TTC7B: variants seen among roughly 807,000 people sequenced by gnomAD.
TTC7B encodes tetratricopeptide repeat domain 7B, also known as tetratricopeptide repeat protein 7B.
A neutral mutation model predicts 106.8 loss-of-function variants in TTC7B; 28 were observed. The ratio of observed to expected loss-of-function variants is 0.26; its 90% CI spans 0.19 to 0.36. TTC7B has a LOEUF of 0.36. Among genes scored for constraint, TTC7B ranks in the 10% least tolerant of loss-of-function variants. The pLI is 1.00. For missense variants in TTC7B, 862 were observed against 1,076.4 expected, an observed-to-expected ratio of 0.80 and a Z score of 2.79; for synonymous variants, 405 against 430.6, an observed-to-expected ratio of 0.94 and a Z score of 0.74.
intron 3 of TTC7B, among the ~76,000 whole-genome samples, chr14:90,747,025 T>C (rs1889987756): frequency 6.6e-6 from 1 of 152,168 alleles, no homozygotes; most frequent in Non-Finnish European, 1.5e-5. Context: ...CAAGTGTCTT[T>C]GTTTATTTGG....
At chr14:90,715,614 C>T (rs1416608669) in intron 5 of TTC7B, among the ~76,000 whole-genome samples, 2 of 152,072 alleles carry the variant, frequency 1.3e-5, no homozygotes, top group Admixed American at 6.5e-5. Flanking sequence ...GAAACTGAAA[C>T]AGAGAGAAAG....
chr14:90,729,564 C>T (rs897508144), intron 5 of TTC7B, among the ~76,000 whole-genome samples: 61 of 152,222 alleles, frequency 4.0e-4, no homozygotes, highest in African/African-American at 1.4e-3. Flanking sequence ...CAAATGCACT[C>T]GAGAGCTGTC....
rs192439998 is a variant in TTC7B, at chr14:90,590,171, C to A, written c.2107+3315G>T. ...GCCATGGACCTATGGAAGGGAGCACCTATCATACAGAAAGTGGGGACCTGC... is the reference window on the plus strand; with the variant it reads ...GCCATGGACCTATGGAAGGGAGCACATATCATACAGAAAGTGGGGACCTGC... On this transcript the variant is annotated intron_variant, in intron 18 of 19. Coordinates refer to ENST00000328459, the MANE Select transcript of TTC7B (RefSeq NM_001010854.2). Among the ~76,000 whole-genome samples, 7 of 152,266 alleles carry A rather than the reference C, an allele frequency of 4.6e-5. No homozygotes were observed. In the East Asian group the frequency reaches 1.3e-3, roughly 29 times the overall value.
intron 3 of TTC7B, among the ~76,000 whole-genome samples, chr14:90,777,171 C>T (rs1288936885): frequency 3.3e-5 from 5 of 152,122 alleles, no homozygotes; most frequent in Admixed American, 1.3e-4. Context: ...ACCTGGGAAG[C>T]GGAGGTTGCA....
rs543187874 is a variant in TTC7B at position 90,759,142 on chromosome 14, C to G, written c.446-14220G>C. Among the ~76,000 whole-genome samples the G allele has an allele frequency of 6.6e-6, 1 of 152,230 alleles. No homozygotes were observed. Among genetic ancestry groups the G allele is most frequent in the African/African-American group, 2.4e-5 (1 of 41,536 alleles). On this transcript the variant is annotated intron_variant, in intron 3 of 19. Transcript: ENST00000328459. This position sits in a 1 kb window ranked among gnomAD's most constrained non-coding sequence, Gnocchi z 4.1. ...GCTTCCTTCCTGCTCTTCTGTCCCACTCCGACCCACTCCGGAGAGCCACGC... is the reference window on the plus strand; with the variant it reads ...GCTTCCTTCCTGCTCTTCTGTCCCAGTCCGACCCACTCCGGAGAGCCACGC...
intron 19 of TTC7B, among the ~76,000 whole-genome samples, chr14:90,546,639 C>T (rs568861264): frequency 6.6e-6 from 1 of 152,358 alleles, no homozygotes; most frequent in East Asian, 1.9e-4. Context: ...CGCTGCCCAG[C>T]AGCACGCAGC....
At position 90,663,682 on chromosome 14, in the gene TTC7B, C is replaced by T. The variant is rs1393149435; in HGVS notation, c.1153-5295G>A. Among the ~76,000 whole-genome samples, 1 of 152,166 alleles carries T rather than the reference C, an allele frequency of 6.6e-6. No individual in the cohort carries two copies. Among genetic ancestry groups the T allele is most frequent in the East Asian group, 1.9e-4 (1 of 5,192 alleles). On this transcript the variant is annotated intron_variant, in intron 9 of 19. Coordinates refer to ENST00000328459, the MANE Select transcript of TTC7B (RefSeq NM_001010854.2). The surrounding 1 kb of genome is among the most constrained non-coding windows in gnomAD (Gnocchi z 4.5). ...TCTCCCAGTTCCCTCCTAGTTTGGA[C>T]CTCTTTCTCATAATGATAACAACCC... is the stretch of plus-strand genomic sequence containing the variant.
chr14:90,786,479 T>A, intron 1 of TTC7B, 151 bp from the exon 2 acceptor site: 1 of 768,380 alleles, frequency 1.3e-6, no homozygotes, highest in South Asian at 1.8e-5. Context: ...AGGGTCTAAG[T>A]GGGCACCACC....
intron 9 of TTC7B, among the ~76,000 whole-genome samples, chr14:90,661,263 G>A (rs1000840989): frequency 2.6e-5 from 4 of 152,180 alleles, no homozygotes; most frequent in Admixed American, 2.0e-4. Context: ...TCACTAGTGC[G>A]GACACCAAGC....
chr14:90,797,662 A>G (rs1184408650), intron 1 of TTC7B, among the ~76,000 whole-genome samples: 3 of 152,108 alleles, frequency 2.0e-5, no homozygotes, highest in South Asian at 4.2e-4. Flanking sequence ...AGCAATTTCT[A>G]CAAAGCAACT....
chr14:90,657,719 G>A lies in TTC7B; in HGVS notation c.1237-441C>T, dbSNP rs1415089881. On this transcript the variant is annotated intron_variant, in intron 10 of 19. Coordinates refer to ENST00000328459, the MANE Select transcript of TTC7B (RefSeq NM_001010854.2). The surrounding 1 kb of genome is among the most constrained non-coding windows in gnomAD (Gnocchi z 4.2). ...ACAATAGCTACGACCTCTGTTGAGTGTATACACAGCAAGGAGCGTGCCTCT... is the reference window on the plus strand; with the variant it reads ...ACAATAGCTACGACCTCTGTTGAGTATATACACAGCAAGGAGCGTGCCTCT... 1 of 199,650 alleles carries A rather than the reference G, an allele frequency of 5.0e-6. No homozygotes were observed. The highest frequency in any genetic ancestry group is 2.4e-5 in the African/African-American group (1 of 42,502). 12.4% of individuals were successfully genotyped at this position (199,650 alleles called of 1,614,324 possible). A position where few individuals can be genotyped will look rare whatever the true frequency, so the allele number is the denominator to read the frequency against.
intron 19 of TTC7B, among the ~76,000 whole-genome samples, chr14:90,566,775 C>CT (rs1411939964): frequency 6.6e-6 from 1 of 152,188 alleles, no homozygotes; most frequent in Non-Finnish European, 1.5e-5. Context: ...AGAGGCTCCC[C>CT]TTTAGCTAAG....
rs1459403079 is a variant in TTC7B, at chr14:90,758,022, C to T, written c.446-13100G>A. Among the ~76,000 whole-genome samples, 130 of 152,050 alleles carry T rather than the reference C, an allele frequency of 8.5e-4. 1 individual carries two copies. Among genetic ancestry groups the T allele is most frequent in the Non-Finnish European group, 4.4e-5 (3 of 68,026 alleles). The stretch of plus-strand genomic sequence containing the variant: ...CTCAGAAAACAATAAAGGGGCACAT[C>T]GGTGAAGGCTCAGCTGCTGCCTGCG... On this transcript the variant is annotated intron_variant, in intron 3 of 19. Coordinates refer to ENST00000328459, the MANE Select transcript of TTC7B (RefSeq NM_001010854.2).
At chr14:90,705,727 T>C (rs1025373038) in intron 5 of TTC7B, among the ~76,000 whole-genome samples, 1 of 152,096 alleles carries the variant, frequency 6.6e-6, no homozygotes, top group Non-Finnish European at 1.5e-5. Context: ...CTACCCTGAC[T>C]TTTCTGGTTA....
intron 15 of TTC7B, among the ~76,000 whole-genome samples, chr14:90,634,228 T>C (rs563588498): frequency 2.6e-5 from 4 of 152,296 alleles, no homozygotes; most frequent in South Asian, 2.1e-4. Flanking sequence ...TATTACATAA[T>C]CAGTTAACAT....
intron 5 of TTC7B, among the ~76,000 whole-genome samples, chr14:90,711,895 C>A (rs1313677197): frequency 1.3e-5 from 2 of 151,756 alleles, no homozygotes; most frequent in Non-Finnish European, 2.9e-5. Context: ...AGGTGTAAAT[C>A]CAATCATATC....
At chr14:90,715,205 G>A (rs1436156161) in intron 5 of TTC7B, among the ~76,000 whole-genome samples, 2 of 152,234 alleles carry the variant, frequency 1.3e-5, no homozygotes, top group Non-Finnish European at 2.9e-5. Flanking sequence ...TAATATGCCA[G>A]CTGTGAAGCT....
chr14:90,710,413 G>T (rs564304662), intron 5 of TTC7B, among the ~76,000 whole-genome samples: 6 of 152,288 alleles, frequency 3.9e-5, no homozygotes, highest in South Asian at 2.1e-4. Flanking sequence ...GAACACTGTG[G>T]TAATAACAAC....
intron 1 of TTC7B, among the ~76,000 whole-genome samples, chr14:90,798,006 A>G (rs2029987129): frequency 6.6e-6 from 1 of 152,032 alleles, no homozygotes; most frequent in South Asian, 2.1e-4. Context: ...CCTGGGCTTG[A>G]CCCCAGGGCT....
Sources: gnomAD v4.1 joint callset for allele counts (sites outside exome capture counted in the v4.1 genomes callset) on GRCh38, gnomAD v4.1.1 for gene constraint, Gnocchi (gnomAD v3.1) non-coding constraint, MANE v1.5 for transcripts, NCBI Gene and HGNC (gene_info 2026-07-23, HGNC 2026-07-21) for gene names.